DGKB: variants seen among roughly 807,000 people sequenced by gnomAD.
DGKB encodes the protein 90 kDa diacylglycerol kinase.
DGKB carries 67 observed loss-of-function variants against 114.3 expected under a neutral mutation model. The ratio of observed to expected loss-of-function variants is 0.59; its 90% CI spans 0.48 to 0.72. The LOEUF is 0.72. Ranked by LOEUF, DGKB falls within the 30% of genes least tolerant of loss-of-function variation. The pLI, the probability that DGKB is intolerant of heterozygous loss-of-function variation, is 0.00. For missense variants in DGKB, 907 were observed against 975.2 expected (o/e 0.93, Z 0.93); for synonymous variants, 398 against 323.1 (o/e 1.23, Z -2.49).
intron 23 of DGKB, among the ~76,000 whole-genome samples, chr7:14,326,669 T>C (rs1479422236): frequency 2.0e-5 from 3 of 152,300 alleles, no homozygotes; most frequent in Non-Finnish European, 4.4e-5. Flanking sequence ...GGGAATGGCA[T>C]AATGATTTGT....
intron 5 of DGKB, among the ~76,000 whole-genome samples, chr7:14,723,602 C>A (rs906461256): frequency 6.8e-6 from 1 of 147,730 alleles, no homozygotes; most frequent in African/African-American, 2.7e-5. Flanking sequence ...CATACACACA[C>A]ATATATATGT....
At chr7:14,892,478 A>G (rs1442933456) in intron 1 of DGKB, among the ~76,000 whole-genome samples, 1 of 151,332 alleles carries the variant, frequency 6.6e-6, no homozygotes, top group Admixed American at 6.6e-5. Context: ...AATCAAGGCA[A>G]AATGAAAAAC....
At chr7:14,720,596 G>C (rs1463788366) in intron 5 of DGKB, among the ~76,000 whole-genome samples, 2 of 151,446 alleles carry the variant, frequency 1.3e-5, no homozygotes, top group East Asian at 3.9e-4. Context: ...ATCCACGTCG[G>C]CCTCCCAAAG....
chr7:14,895,344 T>C (rs1380059841), intron 1 of DGKB, among the ~76,000 whole-genome samples: 3 of 151,566 alleles, frequency 2.0e-5, no homozygotes, highest in South Asian at 2.1e-4. Flanking sequence ...CCACCTGTTA[T>C]ACTCACTGTC....
intron 1 of DGKB, among the ~76,000 whole-genome samples, chr7:14,928,508 C>G (rs1348783889): frequency 6.6e-6 from 1 of 151,930 alleles, no homozygotes; most frequent in African/African-American, 2.4e-5. Flanking sequence ...GTGATATACA[C>G]ATGCTATATT....
intron 13 of DGKB, among the ~76,000 whole-genome samples, chr7:14,664,743 C>T (rs1368050968): frequency 2.6e-5 from 4 of 151,872 alleles, no homozygotes; most frequent in Non-Finnish European, 2.9e-5. Flanking sequence ...CTCTAGAGCC[C>T]CTGTAAGTGA....
chr7:14,549,046 G>T (rs79233917), intron 20 of DGKB, among the ~76,000 whole-genome samples: 2,886 of 151,794 alleles, frequency 0.019, 37 homozygotes, highest in Middle Eastern at 0.027. Context: ...AAACAATCCT[G>T]GTGATCATCA....
At chr7:14,449,357 G>A (rs1031323762) in intron 21 of DGKB, among the ~76,000 whole-genome samples, 5 of 152,092 alleles carry the variant, frequency 3.3e-5, no homozygotes, top group African/African-American at 9.6e-5. Context: ...CCCTACAGAC[G>A]AAACTGTGTC....
chr7:14,799,826 G>A (rs551774739), intron 2 of DGKB, among the ~76,000 whole-genome samples: 15 of 152,316 alleles, frequency 9.8e-5, no homozygotes, highest in Admixed American at 3.3e-4. Context: ...GATTGGGATG[G>A]TGTGAGGAGC....
intron 1 of DGKB, among the ~76,000 whole-genome samples, chr7:14,861,266 A>T (rs1029637516): frequency 6.6e-6 from 1 of 152,004 alleles, no homozygotes; most frequent in Non-Finnish European, 1.5e-5. Flanking sequence ...GCTCAGTTAT[A>T]TGTTCAAAAA....
At chr7:14,856,864 A>G (rs1345718844) in intron 1 of DGKB, among the ~76,000 whole-genome samples, 3 of 152,116 alleles carry the variant, frequency 2.0e-5, no homozygotes, top group Admixed American at 6.5e-5. Flanking sequence ...GACTTACTTT[A>G]GTCAGCTTCT....
intron 21 of DGKB, among the ~76,000 whole-genome samples, chr7:14,377,396 G>A (rs1583501805): frequency 6.6e-6 from 1 of 152,062 alleles, no homozygotes. Context: ...TTTTATTCCC[G>A]TGATTTAATT....
intron 23 of DGKB, among the ~76,000 whole-genome samples, chr7:14,301,904 C>T (rs977558661): frequency 6.6e-6 from 1 of 152,006 alleles, no homozygotes; most frequent in Non-Finnish European, 1.5e-5. Context: ...AAGTATGGGG[C>T]TTGGCAAATG....
chr7:14,891,772 A>G (rs979597770), intron 1 of DGKB, among the ~76,000 whole-genome samples: 10 of 151,522 alleles, frequency 6.6e-5, no homozygotes, highest in African/African-American at 2.4e-4. Flanking sequence ...CTCTTTTCAT[A>G]AGAAAATATG....
chr7:14,710,223 C>G (rs566305330), intron 6 of DGKB, among the ~76,000 whole-genome samples: 5 of 151,920 alleles, frequency 3.3e-5, no homozygotes, highest in South Asian at 4.2e-4. Flanking sequence ...GTATAGAGAC[C>G]TTTCAAATAG....
At chr7:14,518,143 GGGATTATGTCCTTTGCA>G (rs1410804628) in intron 20 of DGKB, among the ~76,000 whole-genome samples, 4 of 152,094 alleles carry the variant, frequency 2.6e-5, no homozygotes, top group Non-Finnish European at 5.9e-5. Context: ...AAAAAAGAAT[GGGATTATGTCCTTTGCA>G]GCAGCATGGA....
At chr7:14,876,417 GT>G (rs574991387) in intron 1 of DGKB, among the ~76,000 whole-genome samples, 37 of 152,206 alleles carry the variant, frequency 2.4e-4, no homozygotes, top group Non-Finnish European at 5.4e-4. Context: ...GAGTAAAGCT[GT>G]TTTCTTCTGC....
chr7:14,699,759 C>A (rs1320481216), intron 7 of DGKB, among the ~76,000 whole-genome samples: 2 of 151,988 alleles, frequency 1.3e-5, no homozygotes. Context: ...GAAATGAAAT[C>A]CAGGCCTTTA....
At chr7:14,748,765 C>CA (rs1833721156) in intron 4 of DGKB, among the ~76,000 whole-genome samples, 2 of 152,146 alleles carry the variant, frequency 1.3e-5, no homozygotes, top group African/African-American at 4.8e-5. Flanking sequence ...TTGTATCAGA[C>CA]AAAAGATAGC....
Sources: gnomAD v4.1 joint callset for allele counts (sites outside exome capture counted in the v4.1 genomes callset) on GRCh38, gnomAD v4.1.1 for gene constraint, MANE v1.5 for transcripts, NCBI Gene and HGNC (gene_info 2026-07-23, HGNC 2026-07-21) for gene names.